Variants in ERN1 observed in about 807,000 individuals in gnomAD.
ERN1 encodes the protein endoplasmic reticulum to nucleus signaling 1, also known as serine/threonine-protein kinase/endoribonuclease IRE1.
In ERN1, 39 loss-of-function variants were observed where a neutral mutation model predicts 113.1. That is an observed-to-expected ratio of 0.34 (90% CI 0.27 to 0.45). ERN1 has a LOEUF of 0.45. Among genes scored for constraint, ERN1 ranks in the 20% least tolerant of loss-of-function variants. ERN1 has a pLI of 1.00. For synonymous variants in ERN1, 507 were observed against 515.9 expected (o/e 0.98, Z 0.23); for missense variants, 976 against 1,274.8 (o/e 0.77, Z 3.57).
At chr17:64,109,497 T>C (rs1363047942) in intron 1 of ERN1, among the ~76,000 whole-genome samples, 1 of 152,230 alleles carries the variant, frequency 6.6e-6, no homozygotes, top group Non-Finnish European at 1.5e-5. Context: ...TGTTTGAAGT[T>C]GATTTGAGGA....
intron 1 of ERN1, among the ~76,000 whole-genome samples, chr17:64,100,170 G>T (rs1914345565): frequency 6.6e-6 from 1 of 152,168 alleles, no homozygotes; most frequent in African/African-American, 2.4e-5. Flanking sequence ...CCTGGGCCTG[G>T]AGAACTGTGG....
intron 1 of ERN1, among the ~76,000 whole-genome samples, chr17:64,104,330 C>T (rs545826889): frequency 6.6e-6 from 1 of 152,162 alleles, no homozygotes; most frequent in African/African-American, 2.4e-5. Flanking sequence ...TTCCACTTAC[C>T]ACTGCCTTGT....
Position 64,061,061 on chromosome 17 carries a change from G to A in ERN1, c.1088-474C>T, listed in dbSNP as rs138778257. Among the ~76,000 whole-genome samples, 638 of 152,246 alleles carry A rather than the reference G, an allele frequency of 4.2e-3. 3 individuals carry two copies. Among genetic ancestry groups the A allele is most frequent in the Non-Finnish European group, 6.7e-3 (457 of 68,012 alleles). The stretch of plus-strand genomic sequence containing the variant: ...TATTATCTAAATGTGAGCTTCCATC[G>A]GGGAAAGTGGTACATTACTTGCGAG... On this transcript the variant is annotated intron_variant, in intron 10 of 21. Transcript: ENST00000433197.
intron 1 of ERN1, among the ~76,000 whole-genome samples, chr17:64,121,368 C>T (rs1347033146): frequency 6.6e-6 from 1 of 152,192 alleles, no homozygotes; most frequent in Admixed American, 6.5e-5. Context: ...AAGGAAAGAA[C>T]TTTCAGTTTT....
In ERN1 at chr17:64,074,841, T is replaced by C. The variant is rs1244936996; in HGVS notation, c.355+334A>G. ...TATAATTAACAGGCAGAGCCTGGCT[T>C]TCCTTCCTTGGCTTAGATGATTGTA... On this transcript the variant is annotated intron_variant, in intron 5 of 21. Coordinates refer to ENST00000433197, the MANE Select transcript of ERN1 (RefSeq NM_001433.5). Among the ~76,000 whole-genome samples the C allele has an allele frequency of 3.3e-5, 5 of 152,348 alleles. No individual in the cohort carries two copies. In the South Asian group the frequency reaches 8.3e-4, roughly 25 times the overall value.
At chr17:64,061,705 C>T (rs1913058765) in intron 10 of ERN1, among the ~76,000 whole-genome samples, 1 of 152,244 alleles carries the variant, frequency 6.6e-6, no homozygotes, top group Non-Finnish European at 1.5e-5. Flanking sequence ...GGTCTGCCCA[C>T]TTCAGACCAC....
At chr17:64,053,656 AGGAG>A (rs1175391851) in intron 15 of ERN1, among the ~76,000 whole-genome samples, 14 of 152,182 alleles carry the variant, frequency 9.2e-5, no homozygotes, top group Non-Finnish European at 2.9e-5. Flanking sequence ...AATGAGCAAA[AGGAG>A]CTTGCTGGAT....
At chr17:64,088,408 G>C (rs1240104266) in intron 2 of ERN1, among the ~76,000 whole-genome samples, 1 of 152,190 alleles carries the variant, frequency 6.6e-6, no homozygotes, top group East Asian at 1.9e-4. Flanking sequence ...CCCTAGCAGT[G>C]ATTTTAAATG....
chr17:64,058,912 A>G (rs898257828), intron 11 of ERN1, among the ~76,000 whole-genome samples: 25 of 152,194 alleles, frequency 1.6e-4, no homozygotes, highest in African/African-American at 6.0e-4. Context: ...TAGCCTGCAG[A>G]GTATATAGGA....
chr17:64,124,756 T>C (rs767101603), intron 1 of ERN1, among the ~76,000 whole-genome samples: 1 of 152,224 alleles, frequency 6.6e-6, no homozygotes, highest in Non-Finnish European at 1.5e-5. Context: ...TAAAATGTGG[T>C]ATATTCATAT....
At chr17:64,122,738 AG>A (rs1349261209) in intron 1 of ERN1, among the ~76,000 whole-genome samples, 1 of 152,232 alleles carries the variant, frequency 6.6e-6, no homozygotes, top group Non-Finnish European at 1.5e-5. Flanking sequence ...AAAGACTGGA[AG>A]GAATTGGAGA....
chr17:64,107,353 C>A (rs1233405442), intron 1 of ERN1, among the ~76,000 whole-genome samples: 1 of 152,138 alleles, frequency 6.6e-6, no homozygotes, highest in Non-Finnish European at 1.5e-5. Context: ...CAGGGTCTTG[C>A]TCTGTCACCC....
chr17:64,063,000 C>A (rs1406420375), intron 10 of ERN1, among the ~76,000 whole-genome samples: 1 of 152,238 alleles, frequency 6.6e-6, no homozygotes, highest in Non-Finnish European at 1.5e-5. Flanking sequence ...ACCGCACTGC[C>A]TGGCAGATCC....
chr17:64,050,378 C>G (rs538038876), intron 17 of ERN1, among the ~76,000 whole-genome samples: 1 of 152,294 alleles, frequency 6.6e-6, no homozygotes, highest in East Asian at 1.9e-4. Flanking sequence ...TGCCTGGCCC[C>G]AATTATGTTC....
At chr17:64,053,406 AGT>A in intron 15 of ERN1, 35 bp from the exon 16 acceptor site, 1 of 1,496,852 alleles carries the variant, frequency 6.7e-7, no homozygotes, top group Non-Finnish European at 9.0e-7. Context: ...CACGGCACAC[AGT>A]CCTCAGGACT....
chr17:64,114,038 G>T (rs1914741639), intron 1 of ERN1, among the ~76,000 whole-genome samples: 1 of 149,286 alleles, frequency 6.7e-6, no homozygotes, highest in South Asian at 2.1e-4. Context: ...AATTCCATGG[G>T]CTTTCAAAGA....
At position 64,040,576 on chromosome 17, in the gene ERN1, T is replaced by C. The variant is rs1912305597; in HGVS notation, c.*3412A>G. The stretch of plus-strand genomic sequence containing the variant: ...CTTACCAAAGGCTCAGGGTCAACTC[T>C]GATAAGGCCCTTTCTTCTAGAGTTG... On this transcript the variant is annotated 3_prime_UTR_variant, in exon 22 of 22. Coordinates refer to ENST00000433197, the MANE Select transcript of ERN1 (RefSeq NM_001433.5). The C allele has an allele frequency of 6.6e-6, 1 of 152,210 alleles. No individual in the cohort carries two copies. The highest frequency in any genetic ancestry group is 2.1e-4 in the South Asian group (1 of 4,830). The allele number at this position is 152,210 out of a possible 1,614,324, so 9.4% of individuals were successfully genotyped here.
rs748409179 is a variant in ERN1 at position 64,052,849 on chromosome 17, T to C, written c.2184A>G (p.Arg728=). The change falls in exon 17 of 22, where the codon CGA becomes CGG. Residue 728 remains arginine, a synonymous_variant. Coordinates refer to ENST00000433197, the MANE Select transcript of ERN1 (RefSeq NM_001433.5). ...AGCCTTCTGTGCCAGGCACCCCAGA[T>C]CGGCGGCTGAAACTGTGTCTGCCCA... The part of the protein sequence containing the change: ...LAVGRHSFSR[R]SGVPGTEGWI... 3.1e-6 allele frequency: 5 copies of C among 1,614,042 alleles called. 1 individual carries two copies. In the South Asian group the frequency reaches 5.5e-5, roughly 18 times the overall value.
intron 1 of ERN1, among the ~76,000 whole-genome samples, chr17:64,122,015 C>T (rs1414016693): frequency 6.6e-6 from 1 of 152,224 alleles, no homozygotes; most frequent in Non-Finnish European, 1.5e-5. Flanking sequence ...CTGGCCTAGA[C>T]CTTCTCTAGA....
Sources: gnomAD v4.1 joint callset for allele counts (sites outside exome capture counted in the v4.1 genomes callset) on GRCh38, gnomAD v4.1.1 for gene constraint, MANE v1.5 for transcripts, NCBI Gene and HGNC (gene_info 2026-07-23, HGNC 2026-07-21) for gene names.